NKAIN3: variants seen among roughly 807,000 people sequenced by gnomAD.
NKAIN3 encodes sodium/potassium-transporting ATPase subunit beta-1-interacting protein 3.
In NKAIN3, 25 loss-of-function variants were observed where a neutral mutation model predicts 30.2. That is an observed-to-expected ratio of 0.83 (90% CI 0.60 to 1.16). NKAIN3 has a LOEUF of 1.16. Ranked by LOEUF, NKAIN3 falls within the 50% of genes most tolerant of loss-of-function variation. The pLI is 0.00. For missense variants in NKAIN3, 225 were observed against 254.1 expected, an observed-to-expected ratio of 0.89 and a Z score of 0.78; for synonymous variants, 91 against 89.6, an observed-to-expected ratio of 1.02 and a Z score of -0.09.
At chr8:62,312,349 T>G (rs1346768687) in intron 1 of NKAIN3, among the ~76,000 whole-genome samples, 1 of 150,652 alleles carries the variant, frequency 6.6e-6, no homozygotes, top group African/African-American at 2.5e-5. Flanking sequence ...AAGAAAATAT[T>G]AGGCTCTTAA....
chr8:62,932,625 A>G (rs1346705337), intron 5 of NKAIN3, among the ~76,000 whole-genome samples: 1 of 152,258 alleles, frequency 6.6e-6, no homozygotes, highest in African/African-American at 2.4e-5. Flanking sequence ...GTTACTGGGT[A>G]CATTCAGTTC....
At position 62,719,371 on chromosome 8, in the gene NKAIN3, G is replaced by A. The variant is rs578185153; in HGVS notation, c.274-27561G>A. On this transcript the variant is annotated intron_variant, in intron 3 of 6. Transcript: ENST00000623646. ...GCATAGAATGGTCCTCATAATTTTT[G>A]TGACCCATTACTTCATTAAAAATCT... Among the ~76,000 whole-genome samples the A allele has an allele frequency of 3.1e-4, 47 of 152,230 alleles. No individual in the cohort carries two copies. The South Asian group carries it at 9.1e-3, about 30-fold the overall frequency.
intron 3 of NKAIN3, among the ~76,000 whole-genome samples, chr8:62,692,586 T>A (rs1329329328): frequency 1.6e-5 from 2 of 123,990 alleles, no homozygotes; most frequent in Non-Finnish European, 3.1e-5. Flanking sequence ...GCAGCATTGA[T>A]CACTGATCCC....
rs184494676 is a variant in NKAIN3, at chr8:62,710,584, A to G, written c.274-36348A>G. Among the ~76,000 whole-genome samples the G allele has an allele frequency of 3.4e-4, 51 of 151,976 alleles. No individual in the cohort carries two copies. In the East Asian group the frequency reaches 9.3e-3, roughly 28 times the overall value. On this transcript the variant is annotated intron_variant, in intron 3 of 6. Coordinates refer to ENST00000623646, the MANE Select transcript of NKAIN3 (RefSeq NM_001304533.3). ...CCATTTGCATGAAATGCCTTTTTCT[A>G]CCCCTTTATTTTAAGTTCATGTGAG...
At chr8:62,342,731 C>T (rs1163199816) in intron 1 of NKAIN3, among the ~76,000 whole-genome samples, 1 of 151,990 alleles carries the variant, frequency 6.6e-6, no homozygotes, top group Non-Finnish European at 1.5e-5. Flanking sequence ...GGCACAGCTG[C>T]CCACACTCTT....
chr8:62,816,526 C>A (rs934914105), intron 4 of NKAIN3, among the ~76,000 whole-genome samples: 2 of 152,116 alleles, frequency 1.3e-5, no homozygotes, highest in African/African-American at 4.8e-5. Context: ...CCTCTGGAGG[C>A]AGTTTGGCCA....
At chr8:62,764,730 A>C (rs1816778730) in intron 4 of NKAIN3, among the ~76,000 whole-genome samples, 1 of 152,234 alleles carries the variant, frequency 6.6e-6, no homozygotes, top group Non-Finnish European at 1.5e-5. Flanking sequence ...TAGAGTTATA[A>C]AGAGTCAATT....
chr8:62,936,763 C>T (rs747836978), intron 5 of NKAIN3, among the ~76,000 whole-genome samples: 8 of 152,026 alleles, frequency 5.3e-5, no homozygotes, highest in African/African-American at 4.8e-5. Flanking sequence ...AAATTCTGTC[C>T]TAATGTCATA....
chr8:62,827,670 A>G (rs1313862829), intron 4 of NKAIN3, among the ~76,000 whole-genome samples: 1 of 152,178 alleles, frequency 6.6e-6, no homozygotes, highest in Non-Finnish European at 1.5e-5. Context: ...AGAAGTCTAC[A>G]AACTTAAAAA....
intron 1 of NKAIN3, among the ~76,000 whole-genome samples, chr8:62,412,774 T>C (rs1363384261): frequency 6.6e-6 from 1 of 151,280 alleles, no homozygotes; most frequent in African/African-American, 2.4e-5. Flanking sequence ...TAGCCGAGCA[T>C]AGTGGTGGGT....
chr8:62,997,969 G>A (rs946089379), intron 5 of NKAIN3, among the ~76,000 whole-genome samples: 7 of 152,044 alleles, frequency 4.6e-5, no homozygotes, highest in Non-Finnish European at 1.0e-4. Flanking sequence ...GGTTTGAGTT[G>A]GAATCAAGAA....
At chr8:62,896,560 G>A (rs746291910) in intron 4 of NKAIN3, among the ~76,000 whole-genome samples, 1 of 152,098 alleles carries the variant, frequency 6.6e-6, no homozygotes, top group Non-Finnish European at 1.5e-5. Context: ...TTTTACCCAA[G>A]GGTAAAATCA....
At chr8:62,254,603 AATT>A (rs1812210157) in intron 1 of NKAIN3, among the ~76,000 whole-genome samples, 2 of 145,080 alleles carry the variant, frequency 1.4e-5, no homozygotes, top group Admixed American at 7.1e-5. Context: ...GCCAATAAAT[AATT>A]ATTATCAAAT....
chr8:62,779,421 G>A (rs938667073), intron 4 of NKAIN3, among the ~76,000 whole-genome samples: 8 of 152,120 alleles, frequency 5.3e-5, no homozygotes, highest in African/African-American at 1.9e-4. Context: ...GACTAGGGCT[G>A]TTATAAATGC....
intron 4 of NKAIN3, among the ~76,000 whole-genome samples, chr8:62,794,596 A>G (rs1044029124): frequency 6.6e-6 from 1 of 152,132 alleles, no homozygotes; most frequent in Non-Finnish European, 1.5e-5. Flanking sequence ...AGCAGGAGAA[A>G]CGGAGATCTG....
chr8:62,486,707 CATT>C (rs969423677), intron 1 of NKAIN3, among the ~76,000 whole-genome samples: 6 of 152,174 alleles, frequency 3.9e-5, no homozygotes, highest in Non-Finnish European at 7.3e-5. Context: ...GTGAGGAAGA[CATT>C]ATTAATCATC....
intron 4 of NKAIN3, among the ~76,000 whole-genome samples, chr8:62,870,746 G>T (rs28730420): frequency 0.68 from 92,846 of 136,694 alleles, 31,747 homozygotes; most frequent in African/African-American, 0.74. Context: ...TATATATCTA[G>T]ATATCTAGAT....
chr8:62,822,195 C>T (rs1336267541), intron 4 of NKAIN3, among the ~76,000 whole-genome samples: 1 of 152,142 alleles, frequency 6.6e-6, no homozygotes, highest in Non-Finnish European at 1.5e-5. Flanking sequence ...TGTTCTATTG[C>T]TGATTTTATC....
intron 1 of NKAIN3, among the ~76,000 whole-genome samples, chr8:62,503,872 C>T (rs557389146): frequency 2.7e-4 from 41 of 152,142 alleles, no homozygotes; most frequent in African/African-American, 9.4e-4. Flanking sequence ...TTCAAACACA[C>T]GTTTTACAAT....
Sources: allele counts gnomAD v4.1 joint callset (sites outside exome capture counted in the v4.1 genomes callset), GRCh38; gene constraint gnomAD v4.1.1; transcripts MANE v1.5; gene names NCBI Gene and HGNC (gene_info 2026-07-23, HGNC 2026-07-21).